The following CTNNA2 variants were observed in gnomAD, a reference collection of about 807,000 sequenced individuals.
CTNNA2 encodes the protein catenin alpha-2.
CTNNA2 carries 42 observed loss-of-function variants against 101.0 expected under a neutral mutation model. The observed-to-expected ratio is 0.42, with a 90% CI of 0.32 to 0.54. The LOEUF is 0.54. Ranked by LOEUF, CTNNA2 falls within the 20% of genes least tolerant of loss-of-function variation. CTNNA2 has a pLI of 0.14. For synonymous variants in CTNNA2, 450 were observed against 456.4 expected (o/e 0.99, Z 0.18); for missense variants, 871 against 1,223.1 (o/e 0.71, Z 4.29).
At chr2:80,508,731 A>C (rs979621649) in intron 9 of CTNNA2, among the ~76,000 whole-genome samples, 1 of 151,978 alleles carries the variant, frequency 6.6e-6, no homozygotes, top group Admixed American at 6.6e-5. Flanking sequence ...TAGTGAAGGA[A>C]ACCACTGACC....
chr2:79,188,743 A>G (rs1016338323), intron 1 of CTNNA2, among the ~76,000 whole-genome samples: 1 of 152,190 alleles, frequency 6.6e-6, no homozygotes, highest in African/African-American at 2.4e-5. Flanking sequence ...AAAAAGCACA[A>G]ATATGAGGAT....
intron 7 of CTNNA2, among the ~76,000 whole-genome samples, chr2:80,306,446 TTC>T (rs1157434254): frequency 7.2e-6 from 1 of 138,138 alleles, no homozygotes; most frequent in African/African-American, 2.8e-5. Context: ...CTTTCTTTCT[TTC>T]TTTCTCTCTC....
chr2:79,389,124 T>A (rs11902177), intron 4 of CTNNA2, among the ~76,000 whole-genome samples: 10,558 of 152,238 alleles, frequency 0.069, 1,211 homozygotes, highest in African/African-American at 0.24. Flanking sequence ...TGGGAGAACA[T>A]GTTGATACCA....
chr2:79,263,463 G>A (rs1674948637), intron 2 of CTNNA2, among the ~76,000 whole-genome samples: 1 of 152,074 alleles, frequency 6.6e-6, no homozygotes, highest in Non-Finnish European at 1.5e-5. Context: ...TGAGGCCCTT[G>A]CCAGAAGCAG....
intron 7 of CTNNA2, among the ~76,000 whole-genome samples, chr2:79,930,052 C>T (rs1003599127): frequency 3.3e-5 from 5 of 152,062 alleles, no homozygotes; most frequent in East Asian, 3.9e-4. Context: ...GCCTGGCCAA[C>T]GTGGCAAAAC....
chr2:80,587,042 A>G (rs1696033744), intron 14 of CTNNA2, among the ~76,000 whole-genome samples: 1 of 152,124 alleles, frequency 6.6e-6, no homozygotes. Context: ...GGTAAGTTGC[A>G]TGGCCAGGCA....
At chr2:80,569,633 G>GTTTTTTTTTTTT (rs70940088) in intron 12 of CTNNA2, among the ~76,000 whole-genome samples, 1,714 of 51,640 alleles carry the variant, frequency 0.033, 407 homozygotes, top group Non-Finnish European at 0.047. Flanking sequence ...GGGTATTTAG[G>GTTTTTTTTTTTT]TTTTTTTTTT....
rs539849526 is a variant in CTNNA2, at chr2:79,300,380, T to C, written c.-405-12329T>C. On this transcript the variant is annotated intron_variant, in intron 2 of 21. Transcript: ENST00000466387. ...TATACCTAAATAATATGCCATTGTA[T>C]AGATATGGAAATATGTATTTTTAAC... Among the ~76,000 whole-genome samples, 7 of 152,334 alleles carry C rather than the reference T, an allele frequency of 4.6e-5. No individual in the cohort carries two copies. In the East Asian group the frequency reaches 1.4e-3, roughly 29 times the overall value.
intron 12 of CTNNA2, among the ~76,000 whole-genome samples, chr2:80,562,147 T>G (rs1693661786): frequency 7.7e-6 from 1 of 130,280 alleles, no homozygotes; most frequent in Non-Finnish European, 1.9e-5. Flanking sequence ...ACTGTTAACC[T>G]TTGAACCAGG....
At chr2:79,441,834 A>C (rs199870994) in intron 4 of CTNNA2, among the ~76,000 whole-genome samples, 2 of 152,238 alleles carry the variant, frequency 1.3e-5, no homozygotes, top group East Asian at 3.9e-4. Flanking sequence ...CCTCCCTCTA[A>C]TTATTGGTGC....
chr2:79,686,213 T>C (rs1041912941), intron 2 of CTNNA2, among the ~76,000 whole-genome samples: 1 of 152,104 alleles, frequency 6.6e-6, no homozygotes, highest in Non-Finnish European at 1.5e-5. Flanking sequence ...CATGCTTTAC[T>C]GAAAGCTAAG....
intron 1 of CTNNA2, among the ~76,000 whole-genome samples, chr2:79,529,344 A>T (rs1250185317): frequency 3.3e-5 from 5 of 152,292 alleles, no homozygotes; most frequent in African/African-American, 9.6e-5. Flanking sequence ...CTTGTGCGAA[A>T]CATAATTCAG....
At position 80,045,122 on chromosome 2, in the gene CTNNA2, C is replaced by T. The variant is rs373153460; in HGVS notation, c.1056+135325C>T. On this transcript the variant is annotated intron_variant, in intron 7 of 18. Transcript: ENST00000402739. ...CTTCAGAAATGGTGGATGGCTTTCCCTAGAATGTCCCAAGGGGGCCAGGCA... is the reference window on the plus strand; with the variant it reads ...CTTCAGAAATGGTGGATGGCTTTCCTTAGAATGTCCCAAGGGGGCCAGGCA... Among the ~76,000 whole-genome samples the T allele has an allele frequency of 2.6e-5, 4 of 152,292 alleles. No homozygotes were observed. In the East Asian group the frequency reaches 5.8e-4, roughly 22 times the overall value.
intron 1 of CTNNA2, among the ~76,000 whole-genome samples, chr2:79,641,516 C>G (rs898784388): frequency 6.6e-6 from 1 of 152,154 alleles, no homozygotes; most frequent in Non-Finnish European, 1.5e-5. Flanking sequence ...CTGTCCAAAT[C>G]TGAATTGCGG....
intron 7 of CTNNA2, among the ~76,000 whole-genome samples, chr2:80,389,851 T>G (rs1158685795): frequency 6.6e-6 from 1 of 152,142 alleles, no homozygotes; most frequent in Non-Finnish European, 1.5e-5. Flanking sequence ...ATTTCTGAAT[T>G]GTTTTCAGCC....
chr2:80,105,968 A>G (rs920948499), intron 7 of CTNNA2, among the ~76,000 whole-genome samples: 4 of 152,164 alleles, frequency 2.6e-5, no homozygotes, highest in African/African-American at 9.7e-5. Context: ...GGTGGGTTCA[A>G]TCGCTTGGCA....
Position 80,303,127 on chromosome 2 carries a change from G to T in CTNNA2, c.1057-90084G>T. 1 of 1,614,098 alleles carries T rather than the reference G, an allele frequency of 6.2e-7. No homozygotes were observed. The highest frequency in any genetic ancestry group is 8.5e-7 in the Non-Finnish European group (1 of 1,180,034). On this transcript the variant is annotated intron_variant, in intron 7 of 18. Transcript: ENST00000402739. This position sits in a 1 kb window ranked among gnomAD's most constrained non-coding sequence, Gnocchi z 7.7. Reference sequence around the variant, plus strand: ...GGCAGAGCGAGTGCAGGGAGATGAGGCGCGGGAAGTGGGCGAAGTTCACCT... The same window carrying T: ...GGCAGAGCGAGTGCAGGGAGATGAGTCGCGGGAAGTGGGCGAAGTTCACCT...
intron 7 of CTNNA2, among the ~76,000 whole-genome samples, chr2:80,064,243 G>C (rs980664638): frequency 4.6e-5 from 7 of 152,170 alleles, no homozygotes; most frequent in African/African-American, 1.7e-4. Flanking sequence ...TAGTCATGTG[G>C]TAACTTGTTC....
intron 2 of CTNNA2, among the ~76,000 whole-genome samples, chr2:79,305,564 A>C (rs1676220834): frequency 6.6e-6 from 1 of 151,966 alleles, no homozygotes; most frequent in Non-Finnish European, 1.5e-5. Flanking sequence ...ACCCACAGTT[A>C]ATTTACATTA....
Sources: allele counts gnomAD v4.1 joint callset (sites outside exome capture counted in the v4.1 genomes callset), GRCh38; gene constraint gnomAD v4.1.1; non-coding constraint Gnocchi (gnomAD v3.1); transcripts MANE v1.5; gene names NCBI Gene and HGNC (gene_info 2026-07-23, HGNC 2026-07-21).